Variants in CEP152 observed in about 807,000 individuals in gnomAD.
The protein encoded by CEP152 is centrosomal protein of 152 kDa.
In CEP152, 132 loss-of-function variants were observed where a neutral mutation model predicts 188.9. The ratio of observed to expected loss-of-function variants is 0.70; its 90% CI spans 0.61 to 0.81. The LOEUF (loss-of-function observed/expected upper bound fraction) is 0.81. CEP152 is among the 30% of genes least tolerant of loss of function. The pLI is 0.00. For synonymous variants in CEP152, 649 were observed against 666.6 expected (o/e 0.97, Z 0.41); for missense variants, 1,914 against 1,969.8 (o/e 0.97, Z 0.54).
chr15:48,758,483 C>T (rs1426536805), intron 19 of CEP152, among the ~76,000 whole-genome samples: 2 of 151,976 alleles, frequency 1.3e-5, no homozygotes, highest in South Asian at 2.1e-4. Context: ...TTTGGGAGGC[C>T]GAGGTGGGCA....
rs780519963 is a variant in CEP152 at position 48,797,940 on chromosome 15, G to T, written c.191+8C>A. 2 of 1,610,494 alleles carry T rather than the reference G, an allele frequency of 1.2e-6. No individual in the cohort carries two copies. The highest frequency in any genetic ancestry group is 2.2e-5 in the South Asian group (2 of 90,904). ...AATATACAAGTGAAAGTGACTTCAG[G>T]TGCTTACTGTCCGTCTGTGCCATCC... On this transcript the variant is annotated splice_region_variant and intron_variant, in intron 3 of 26. Transcript: ENST00000380950.
Position 48,781,237 on chromosome 15 carries a change from C to T in CEP152, c.1536G>A (p.Leu512=), listed in dbSNP as rs1306750670. ...NIELTESYVD[L]GIKKVNWKKS... is the part of the protein sequence containing the mutation. ...TTTTCCAGTTGACCTTTTTAATACC[C>T]AAATCCACATACGATTCAGTGAGTT... The change falls in exon 12 of 27, where the codon TTG becomes TTA. Residue 512 remains leucine (L), a synonymous_variant. Coordinates refer to ENST00000380950, the MANE Select transcript of CEP152 (RefSeq NM_001194998.2). 3.1e-6 allele frequency: 5 copies of T among 1,613,364 alleles called. No homozygotes were observed. Among genetic ancestry groups the T allele is most frequent in the Non-Finnish European group, 4.2e-6 (5 of 1,179,688 alleles).
At chr15:48,809,456 C>G (rs1318462282) in intron 1 of CEP152, among the ~76,000 whole-genome samples, 2 of 152,100 alleles carry the variant, frequency 1.3e-5, no homozygotes, top group Non-Finnish European at 2.9e-5. Flanking sequence ...GCACAAATTA[C>G]TTTTCCTAAG....
rs1567024714 is a variant in CEP152 at position 48,793,464 on chromosome 15, G to A, written c.692-3C>T. On this transcript the variant is annotated splice_polypyrimidine_tract_variant and splice_region_variant and intron_variant, in intron 6 of 26. Coordinates refer to ENST00000380950, the MANE Select transcript of CEP152 (RefSeq NM_001194998.2). ...AATCTGCATATTTTCTGCAGAGTCT[G>A]GGAATTAAAGACAATTTATTAGATA... is the stretch of plus-strand genomic sequence containing the variant. 1 of 1,611,314 alleles carries A rather than the reference G, an allele frequency of 6.2e-7. No individual in the cohort carries two copies. Among genetic ancestry groups the A allele is most frequent in the East Asian group, 2.2e-5 (1 of 44,782 alleles).
rs1893298614 is a variant in CEP152, at chr15:48,744,980, T to G, written c.3647A>C (p.Lys1216Thr). The change falls in exon 23 of 27, where the codon AAA becomes ACA. Residue 1216 changes from lysine (K) to threonine (T), a missense_variant. Physicochemically the swap from Lys to Thr is moderately conservative, Grantham distance 78 (BLOSUM62 -1). Coordinates refer to ENST00000380950, the MANE Select transcript of CEP152 (RefSeq NM_001194998.2). The part of the protein sequence containing the change: ...VVEKIGEENN[K>T]VVEELIEENN... ...TTCTTCTATTAATTCTTCAACAACTTTATTATTCTCTTCTATAACAGAAAG... is the reference window on the plus strand; with the variant it reads ...TTCTTCTATTAATTCTTCAACAACTGTATTATTCTCTTCTATAACAGAAAG... The G allele has an allele frequency of 6.2e-7, 1 of 1,602,736 alleles. No homozygotes were observed. The highest frequency in any genetic ancestry group is 1.7e-5 in the Admixed American group (1 of 58,884).
chr15:48,792,813 A>G (rs1032605793), intron 7 of CEP152, among the ~76,000 whole-genome samples: 2 of 151,744 alleles, frequency 1.3e-5, no homozygotes, highest in Middle Eastern at 3.2e-3. Flanking sequence ...ACTCCAAAAT[A>G]GAGTGTCTTT....
Position 48,738,736 on chromosome 15 carries a change from G to T in CEP152, c.4646C>A (p.Ser1549Tyr). Residue 1549 changes from serine to tyrosine, a missense_variant, in exon 27 of 27, where the codon TCT (serine) becomes TAT (tyrosine). Transcript: ENST00000380950. ...AACATCCAAACCTTGACTTTTCTCAGATGCAGCATTTTCACTTTCCATTAG... is the reference window on the plus strand; with the variant it reads ...AACATCCAAACCTTGACTTTTCTCATATGCAGCATTTTCACTTTCCATTAG... ...NPLMESENAA[S>Y]EKSQGLDVQE... 1 of 1,614,168 alleles carries T rather than the reference G, an allele frequency of 6.2e-7. No homozygotes were observed. Among genetic ancestry groups the T allele is most frequent in the South Asian group, 1.1e-5 (1 of 91,084 alleles).
At chr15:48,803,591 C>T (rs184342898) in intron 2 of CEP152, among the ~76,000 whole-genome samples, 118 of 152,322 alleles carry the variant, frequency 7.7e-4, no homozygotes, top group African/African-American at 2.7e-3. Context: ...TCCTTCCACT[C>T]TGCTAGAAAT....
intron 2 of CEP152, among the ~76,000 whole-genome samples, chr15:48,730,341 C>T (rs541107640): frequency 4.6e-5 from 7 of 152,262 alleles, no homozygotes; most frequent in Admixed American, 4.6e-4. Flanking sequence ...TGCATAGCTC[C>T]GCTAGTCTGA....
intron 21 of CEP152, among the ~76,000 whole-genome samples, chr15:48,750,564 G>A (rs1351153853): frequency 6.6e-6 from 1 of 151,944 alleles, no homozygotes; most frequent in Non-Finnish European, 1.5e-5. Flanking sequence ...TTTTCATCTA[G>A]GATACTGTTG....
intron 7 of CEP152, 36 bp downstream of exon 7, chr15:48,793,285 A>G (rs777166666): frequency 1.2e-6 from 2 of 1,611,056 alleles, no homozygotes; most frequent in East Asian, 2.2e-5. Context: ...TATCTAACTC[A>G]GTGTACCTCA....
chr15:48,748,343 A>C, intron 22 of CEP152, 100 bp downstream of exon 22: 1 of 1,309,966 alleles, frequency 7.6e-7, no homozygotes. Flanking sequence ...TTAATCCCAA[A>C]AGAGGATCAG....
intron 1 of CEP152, among the ~76,000 whole-genome samples, chr15:48,809,243 T>A (rs529395555): frequency 6.6e-6 from 1 of 152,320 alleles, no homozygotes; most frequent in South Asian, 2.1e-4. Context: ...GATATAGGCA[T>A]GTTACCTTAT....
intron 12 of CEP152, among the ~76,000 whole-genome samples, chr15:48,777,599 T>C (rs578098429): frequency 1.3e-5 from 2 of 152,018 alleles, no homozygotes; most frequent in African/African-American, 4.8e-5. Context: ...CAAATTTGTA[T>C]ATGTAATATA....
chr15:48,737,269 A>G (rs954522828), downstream of CEP152, among the ~76,000 whole-genome samples: 1 of 152,150 alleles, frequency 6.6e-6, no homozygotes, highest in African/African-American at 2.4e-5. Flanking sequence ...AATCCATAAT[A>G]TAGTAGGTGT....
intron 9 of CEP152, among the ~76,000 whole-genome samples, chr15:48,784,540 A>G (rs950465651): frequency 1.3e-5 from 2 of 152,230 alleles, no homozygotes; most frequent in African/African-American, 4.8e-5. Context: ...AACAGTAAGG[A>G]TATAGATAAA....
downstream of CEP152, among the ~76,000 whole-genome samples, chr15:48,734,486 G>A (rs553559179): frequency 3.8e-4 from 57 of 149,860 alleles, 1 homozygote; most frequent in East Asian, 4.7e-3. Flanking sequence ...ATTCAATAAC[G>A]AAAGATACAC....
rs1894273566 is a variant in CEP152 at position 48,756,403 on chromosome 15, T to A, written c.2845A>T (p.Ile949Phe). ...CGAGCCTTAGCTAACTCAGCCCTGA[T>A]GACCACAGGGACTTCTTCGTTCTTT... is the stretch of plus-strand genomic sequence containing the variant. ...ELKNEEVPVV[I>F]RAELAKARSE... The change falls in exon 20 of 27, where the codon ATC becomes TTC. Residue 949 changes from isoleucine to phenylalanine, a missense_variant. Transcript: ENST00000380950. 1.9e-6 allele frequency: 3 copies of A among 1,611,650 alleles called. 1 individual carries two copies. The highest frequency in any genetic ancestry group is 2.2e-5 in the South Asian group (2 of 90,542).
At chr15:48,789,066 C>A in intron 8 of CEP152, 65 bp from the exon 9 acceptor site, 1 of 1,396,792 alleles carries the variant, frequency 7.2e-7, no homozygotes, top group South Asian at 1.2e-5. Flanking sequence ...TCTGTGCTGT[C>A]TATAAACTTT....
Sources: allele counts gnomAD v4.1 joint callset (sites outside exome capture counted in the v4.1 genomes callset), GRCh38; gene constraint gnomAD v4.1.1; transcripts MANE v1.5; gene names NCBI Gene and HGNC (gene_info 2026-07-23, HGNC 2026-07-21).